PPARGC1A: variants seen among roughly 807,000 people sequenced by gnomAD.
The protein encoded by PPARGC1A is peroxisome proliferator-activated receptor gamma coactivator 1-alpha.
In PPARGC1A, 25 loss-of-function variants were observed where a neutral mutation model predicts 88.7. The ratio of observed to expected loss-of-function variants is 0.28; its 90% confidence interval spans 0.21 to 0.39. The LOEUF is 0.39. PPARGC1A is among the 10% of genes least tolerant of loss of function. The probability of loss-of-function intolerance (pLI) is 1.00; values close to 1 mark genes in which losing one functional copy is unlikely to be tolerated. For missense variants in PPARGC1A, 880 were observed against 968.7 expected, an observed-to-expected ratio of 0.91 and a Z score of 1.22; for synonymous variants, 363 against 355.6, an observed-to-expected ratio of 1.02 and a Z score of -0.24.
chr4:24,356,200 CAA>C, the PPARGC1A span, among the ~76,000 whole-genome samples: 22 of 74,476 alleles, frequency 3.0e-4, no homozygotes, highest in African/African-American at 3.8e-4. Flanking sequence ...CCGTCTCAAA[CAA>C]AAAAAAAAAA....
the PPARGC1A span, among the ~76,000 whole-genome samples, chr4:24,165,653 TTATTA>T: frequency 6.6e-6 from 1 of 152,208 alleles, no homozygotes; most frequent in Non-Finnish European, 1.5e-5. Context: ...TTTTTCATTA[TTATTA>T]TATCTGTTAA....
chr4:24,011,435 A>G, the PPARGC1A span, among the ~76,000 whole-genome samples: 2 of 152,184 alleles, frequency 1.3e-5, no homozygotes, highest in African/African-American at 4.8e-5. Context: ...CAAGGAGTTT[A>G]TAGAACTTTC....
chr4:24,223,324 A>G, the PPARGC1A span, among the ~76,000 whole-genome samples: 1 of 150,842 alleles, frequency 6.6e-6, no homozygotes, highest in African/African-American at 2.4e-5. Context: ...ATCTCAGCCA[A>G]CTGCAACCTC....
chr4:24,153,325 T>C, the PPARGC1A span, among the ~76,000 whole-genome samples: 2 of 152,144 alleles, frequency 1.3e-5, no homozygotes, highest in East Asian at 3.9e-4. Flanking sequence ...TAAAATAATT[T>C]AGAAAACATC....
At chr4:24,447,830 G>C in the PPARGC1A span, among the ~76,000 whole-genome samples, 1 of 152,158 alleles carries the variant, frequency 6.6e-6, no homozygotes, top group Admixed American at 6.5e-5. Flanking sequence ...CTTTCCCACA[G>C]AACAACAGGA....
chr4:24,273,149 C>G, the PPARGC1A span, among the ~76,000 whole-genome samples: 2 of 152,158 alleles, frequency 1.3e-5, no homozygotes, highest in Non-Finnish European at 2.9e-5. Context: ...AAATCGAGAG[C>G]AGCTTCTCCA....
chr4:24,271,775 T>G, the PPARGC1A span, among the ~76,000 whole-genome samples: 2 of 152,184 alleles, frequency 1.3e-5, no homozygotes, highest in South Asian at 4.1e-4. Flanking sequence ...TAGTAGTACC[T>G]ACCTTGGAGG....
chr4:24,419,289 G>A, the PPARGC1A span, among the ~76,000 whole-genome samples: 11 of 151,098 alleles, frequency 7.3e-5, no homozygotes, highest in South Asian at 4.2e-4. Flanking sequence ...CAGAAACCAC[G>A]GAAGTGTGAT....
the PPARGC1A span, among the ~76,000 whole-genome samples, chr4:24,112,201 A>G: frequency 6.6e-6 from 1 of 152,290 alleles, no homozygotes; most frequent in East Asian, 1.9e-4. Flanking sequence ...AAATGACTCA[A>G]GTAGTGCCAA....
the PPARGC1A span, among the ~76,000 whole-genome samples, chr4:24,458,227 T>C: frequency 6.6e-6 from 1 of 152,312 alleles, no homozygotes; most frequent in Admixed American, 6.5e-5. Flanking sequence ...GGGCTGGGCA[T>C]AGTGGCTCAC....
Position 23,794,820 on chromosome 4 carries a change from T to C in PPARGC1A, c.*1002A>G, listed in dbSNP as rs1457517330. The C allele has an allele frequency of 6.6e-6, 1 of 152,546 alleles. No homozygotes were observed. Among genetic ancestry groups the C allele is most frequent in the African/African-American group, 2.4e-5 (1 of 41,438 alleles). The allele number at this position is 152,546 out of a possible 1,614,324, so 9.4% of individuals were successfully genotyped here. The stretch of plus-strand genomic sequence containing the variant: ...GAGAGTTCTACCCAACTCTCATTAG[T>C]AATGTAACCCGGTGTCCGCTCCTCA... On this transcript the variant is annotated 3_prime_UTR_variant, in exon 13 of 13. Transcript: ENST00000264867.
chr4:23,814,458 T>C lies in PPARGC1A; in HGVS notation c.1025A>G (p.Asn342Ser). The change falls in exon 8 of 13, where the codon AAT becomes AGT. Residue 342 changes from asparagine to serine, a missense_variant. Physicochemically the swap from Asn to Ser is conservative, Grantham distance 46. Transcript: ENST00000264867. ...RYSESSGTQG[N>S]NSTKKGPEQS... is the part of the protein sequence containing the mutation. ...CTCCGGCCCTTTCTTGGTGGAGTTA[T>C]TGCCTTGTGTACCAGAAGACTCACT... The C allele has an allele frequency of 6.2e-7, 1 of 1,613,720 alleles. No homozygotes were observed. Among genetic ancestry groups the C allele is most frequent in the Non-Finnish European group, 8.5e-7 (1 of 1,179,916 alleles).
chr4:24,363,470 A>G, the PPARGC1A span, among the ~76,000 whole-genome samples: 3 of 152,240 alleles, frequency 2.0e-5, no homozygotes, highest in Non-Finnish European at 4.4e-5. Context: ...GTAATATACC[A>G]TAATGATCCG....
chr4:24,425,188 A>G, the PPARGC1A span, among the ~76,000 whole-genome samples: 1 of 152,186 alleles, frequency 6.6e-6, no homozygotes, highest in Non-Finnish European at 1.5e-5. Flanking sequence ...TCTCTTATGG[A>G]AGAAAAAAAT....
the PPARGC1A span, among the ~76,000 whole-genome samples, chr4:23,933,893 G>A: frequency 6.6e-6 from 1 of 152,216 alleles, no homozygotes; most frequent in Non-Finnish European, 1.5e-5. Flanking sequence ...CAGGCACCAT[G>A]ACTTCAGGAA....
chr4:23,922,006 T>C, the PPARGC1A span, among the ~76,000 whole-genome samples: 9 of 152,190 alleles, frequency 5.9e-5, no homozygotes, highest in African/African-American at 2.2e-4. Flanking sequence ...TTACTGAATA[T>C]GCACAATGTT....
the PPARGC1A span, among the ~76,000 whole-genome samples, chr4:24,005,244 A>G: frequency 6.6e-6 from 1 of 152,220 alleles, no homozygotes; most frequent in Non-Finnish European, 1.5e-5. Flanking sequence ...AAATAAATGC[A>G]GAGCTTTTGA....
the PPARGC1A span, among the ~76,000 whole-genome samples, chr4:23,972,580 G>A: frequency 3.4e-3 from 519 of 152,222 alleles, 8 homozygotes; most frequent in East Asian, 0.016. Flanking sequence ...CTTCAAGTGT[G>A]TTTCAAAAAA....
the PPARGC1A span, among the ~76,000 whole-genome samples, chr4:23,927,513 G>A: frequency 6.6e-6 from 1 of 152,020 alleles, no homozygotes; most frequent in Admixed American, 6.6e-5. Context: ...CACCTTTCTT[G>A]AAATCAGTCA....
Sources: allele counts gnomAD v4.1 joint callset (sites outside exome capture counted in the v4.1 genomes callset), GRCh38; gene constraint gnomAD v4.1.1; transcripts MANE v1.5; gene names NCBI Gene and HGNC (gene_info 2026-07-23, HGNC 2026-07-21).